The following KLHL6 variants were observed in gnomAD, a reference collection of about 807,000 sequenced individuals.
KLHL6 encodes the protein kelch like family member 6, also known as kelch-like protein 6.
KLHL6 carries 41 observed loss-of-function variants against 58.6 expected under a neutral mutation model. The ratio of observed to expected loss-of-function variants is 0.70; its 90% CI spans 0.55 to 0.91. The LOEUF (loss-of-function observed/expected upper bound fraction) is 0.91. Among genes scored for constraint, KLHL6 ranks in the 40% least tolerant of loss-of-function variants. The pLI is 0.00. For missense variants in KLHL6, 714 were observed against 805.6 expected, an observed-to-expected ratio of 0.89 and a Z score of 1.38; for synonymous variants, 338 against 322.7, an observed-to-expected ratio of 1.05 and a Z score of -0.51.
intron 1 of KLHL6, among the ~76,000 whole-genome samples, chr3:183,534,114 TTACTTTTAAAGTACTTTG>T (rs767520696): frequency 0.053 from 6,658 of 125,254 alleles, 277 homozygotes; most frequent in Admixed American, 0.11. Flanking sequence ...TAAAAGTACT[TTACTTTTAAAGTACTTTG>T]TACTTTTAAA....
chr3:183,553,617 T>C (rs1329959529), intron 1 of KLHL6, among the ~76,000 whole-genome samples: 1 of 152,246 alleles, frequency 6.6e-6, no homozygotes, highest in Non-Finnish European at 1.5e-5. Flanking sequence ...TCAACCCATT[T>C]TGATGGCTGT....
At chr3:183,504,224 C>G (rs539678186) in intron 3 of KLHL6, among the ~76,000 whole-genome samples, 3 of 152,320 alleles carry the variant, frequency 2.0e-5, no homozygotes, top group Middle Eastern at 3.4e-3. Flanking sequence ...GTACCAGACA[C>G]TGTGCTAAGC....
intron 1 of KLHL6, among the ~76,000 whole-genome samples, chr3:183,546,911 C>CTT (rs397991831): frequency 0.045 from 5,980 of 132,686 alleles, 208 homozygotes; most frequent in Non-Finnish European, 0.06. Flanking sequence ...TGCCATAAGT[C>CTT]TTTTTTTTTT....
chr3:183,554,531 C>T (rs992317933), intron 1 of KLHL6, among the ~76,000 whole-genome samples: 2 of 152,168 alleles, frequency 1.3e-5, no homozygotes, highest in Non-Finnish European at 2.9e-5. Context: ...ATGAGATCAC[C>T]AGTTTATCGT....
At position 183,555,357 on chromosome 3, in the gene KLHL6, T is replaced by A. The variant is rs2108704505; in HGVS notation, c.293+4A>T. ...AATTTGACTCTGGTCCTAGGCATGCTGACCTGAAATAGTTGCTGGCTGCGG... is the reference window on the plus strand; with the variant it reads ...AATTTGACTCTGGTCCTAGGCATGCAGACCTGAAATAGTTGCTGGCTGCGG... On this transcript the variant is annotated splice_donor_region_variant and intron_variant, in intron 1 of 6. Coordinates refer to ENST00000341319, the MANE Select transcript of KLHL6 (RefSeq NM_130446.4). The A allele has an allele frequency of 6.2e-7, 1 of 1,613,330 alleles. No individual in the cohort carries two copies.
chr3:183,501,659 G>A (rs576638516), intron 3 of KLHL6, among the ~76,000 whole-genome samples: 1 of 152,226 alleles, frequency 6.6e-6, no homozygotes, highest in South Asian at 2.1e-4. Flanking sequence ...CCTACGAAAG[G>A]CTCTCCTCCT....
chr3:183,534,345 T>C (rs191375461), intron 1 of KLHL6, among the ~76,000 whole-genome samples: 3 of 152,158 alleles, frequency 2.0e-5, no homozygotes, highest in African/African-American at 7.2e-5. Flanking sequence ...GGCTGCCCAA[T>C]AGAAATGTAA....
At chr3:183,546,604 G>A (rs1712726969) in intron 1 of KLHL6, among the ~76,000 whole-genome samples, 4 of 152,202 alleles carry the variant, frequency 2.6e-5, no homozygotes, top group East Asian at 1.9e-4. Flanking sequence ...ACTTCTTTGG[G>A]GATTTTATGA....
In KLHL6 at chr3:183,506,538, C is replaced by T. The variant is rs547596165; in HGVS notation, c.909+1521G>A. Among the ~76,000 whole-genome samples the T allele has an allele frequency of 5.8e-4, 89 of 152,262 alleles. 1 individual carries two copies. Among genetic ancestry groups the T allele is most frequent in the African/African-American group, 2.0e-3 (85 of 41,560 alleles). ...CAATGCACCAAGTGCTATGAGAACA[C>T]GGAGAGTGGCTGGGTGTGGTGGCTC... is the stretch of plus-strand genomic sequence containing the variant. On this transcript the variant is annotated intron_variant, in intron 3 of 6. Transcript: ENST00000341319.
intron 3 of KLHL6, among the ~76,000 whole-genome samples, chr3:183,507,621 G>T (rs1027085351): frequency 1.3e-5 from 2 of 152,078 alleles, no homozygotes; most frequent in Non-Finnish European, 2.9e-5. Context: ...TTTAAGTAGA[G>T]ACAGGGTTTC....
At chr3:183,540,555 G>A (rs1181023789) in intron 1 of KLHL6, among the ~76,000 whole-genome samples, 2 of 152,092 alleles carry the variant, frequency 1.3e-5, no homozygotes, top group East Asian at 3.9e-4. Flanking sequence ...CTCCAGGCCC[G>A]TTTTTGTTTG....
chr3:183,526,264 T>C (rs3928680), intron 2 of KLHL6, among the ~76,000 whole-genome samples: 75,458 of 152,078 alleles, frequency 0.5, 19,638 homozygotes, highest in Non-Finnish European at 0.58. Flanking sequence ...TGAACCAAGA[T>C]TGTGCCATTG....
intron 2 of KLHL6, chr3:183,521,241 A>G (rs956854300): frequency 6.6e-6 from 1 of 152,670 alleles, no homozygotes; most frequent in African/African-American, 2.4e-5. Context: ...GATTAACAGC[A>G]TCTCAAGGCA....
rs756697734 is a variant in KLHL6 at position 183,555,356 on chromosome 3, C to A, written c.293+5G>T. The A allele has an allele frequency of 6.2e-7, 1 of 1,612,930 alleles. No individual in the cohort carries two copies. On this transcript the variant is annotated splice_donor_5th_base_variant and intron_variant, in intron 1 of 6. Transcript: ENST00000341319. ...CAATTTGACTCTGGTCCTAGGCATG[C>A]TGACCTGAAATAGTTGCTGGCTGCG... is the stretch of plus-strand genomic sequence containing the variant.
In KLHL6 at chr3:183,492,522, C is replaced by A. The variant is rs1298888941; in HGVS notation, c.1536G>T (p.Val512=). Residue 512 remains valine, a synonymous_variant, in exon 6 of 7, where the codon GTG becomes GTT. Coordinates refer to ENST00000341319, the MANE Select transcript of KLHL6 (RefSeq NM_130446.4). The surrounding 1 kb of genome is among the most constrained non-coding windows in gnomAD (Gnocchi z 5.9). ...CGACATAGATGCGGTCCCGGAAACT[C>A]ACTGCATTGATGCATTTAGCCTCCA... ...MPVEAKCINA[V]SFRDRIYVVG... 1.9e-6 allele frequency: 3 copies of A among 1,614,246 alleles called. No individual in the cohort carries two copies. In the African/African-American group the frequency reaches 4.0e-5, roughly 22 times the overall value.
chr3:183,512,175 G>A (rs981381925), intron 2 of KLHL6, among the ~76,000 whole-genome samples: 5 of 152,190 alleles, frequency 3.3e-5, no homozygotes, highest in Non-Finnish European at 7.3e-5. Context: ...AGACATCTAT[G>A]AGAGCTGAAA....
At position 183,492,310 on chromosome 3, in the gene KLHL6, A is replaced by G. The variant is rs1263878255; in HGVS notation, c.1565-82T>C. On this transcript the variant is annotated intron_variant, in intron 6 of 6. Transcript: ENST00000341319. The surrounding 1 kb of genome is among the most constrained non-coding windows in gnomAD (Gnocchi z 5.9). Reference sequence around the variant, plus strand: ...CTTAACCACTAAAATTCAACTTCTGATTAGGCCAAGTCTACCCTCTTGCCA... The same window carrying G: ...CTTAACCACTAAAATTCAACTTCTGGTTAGGCCAAGTCTACCCTCTTGCCA... 2.2e-6 allele frequency: 3 copies of G among 1,388,498 alleles called. No homozygotes were observed. The South Asian group carries it at 4.3e-5, about 20-fold the overall frequency. 86.0% of individuals were successfully genotyped at this position (1,388,498 alleles called of 1,614,324 possible). A position where few individuals can be genotyped will look rare whatever the true frequency, so the allele number is the denominator to read the frequency against.
In KLHL6 at chr3:183,555,392, C is replaced by T. The variant is rs1366291489; in HGVS notation, c.262G>A (p.Val88Met). The change falls in exon 1 of 7, where the codon GTG becomes ATG. Residue 88 changes from valine to methionine, a missense_variant. This residue lies in a region of KLHL6 where 204 missense variants were observed against 175.9 expected (regional missense o/e 1.16). Coordinates refer to ENST00000341319, the MANE Select transcript of KLHL6 (RefSeq NM_130446.4). ...TAGTTGCTGGCTGCGGCAAGCACCACGCGGTGGCAGGAGAATTCCTGAATG... is the reference window on the plus strand; with the variant it reads ...TAGTTGCTGGCTGCGGCAAGCACCATGCGGTGGCAGGAGAATTCCTGAATG... ...VDIQEFSCHR[V>M]VLAAASNYFR... 1 of 1,614,150 alleles carries T rather than the reference C, an allele frequency of 6.2e-7. No homozygotes were observed. Among genetic ancestry groups the T allele is most frequent in the Admixed American group, 1.7e-5 (1 of 60,020 alleles).
intron 1 of KLHL6, among the ~76,000 whole-genome samples, chr3:183,528,919 T>A (rs959459093): frequency 1.3e-5 from 2 of 152,050 alleles, no homozygotes; most frequent in Non-Finnish European, 2.9e-5. Context: ...AGTGATAGAC[T>A]GGATAAAGAA....
Sources: gnomAD v4.1 joint callset for allele counts (sites outside exome capture counted in the v4.1 genomes callset) on GRCh38, gnomAD v4.1.1 for gene constraint, gnomAD v4.1.1 regional missense constraint, Gnocchi (gnomAD v3.1) non-coding constraint, MANE v1.5 for transcripts, NCBI Gene and HGNC (gene_info 2026-07-23, HGNC 2026-07-21) for gene names.